AIG1: variants seen among roughly 807,000 people sequenced by gnomAD.
AIG1 encodes androgen-induced gene 1 protein.
Under a neutral mutation model 31.4 loss-of-function variants are expected in AIG1, and 23 were observed. The ratio of observed to expected loss-of-function variants is 0.73; its 90% confidence interval spans 0.53 to 1.04. The LOEUF (loss-of-function observed/expected upper bound fraction) is 1.04, where lower values mean the gene tolerates loss of function less well. AIG1 is among the 50% of genes least tolerant of loss of function. The pLI is 0.00. For missense variants in AIG1, 274 were observed against 295.0 expected, an observed-to-expected ratio of 0.93 and a Z score of 0.52; for synonymous variants, 100 against 110.5, an observed-to-expected ratio of 0.90 and a Z score of 0.60.
At chr6:143,221,110 T>G (rs911402822) in intron 3 of AIG1, among the ~76,000 whole-genome samples, 5 of 152,184 alleles carry the variant, frequency 3.3e-5, no homozygotes, top group Non-Finnish European at 7.3e-5. Context: ...ATGAGTATTA[T>G]TATTGTAGTT....
upstream of AIG1, chr6:143,060,855 C>A (rs567422018): frequency 1.5e-5 from 17 of 1,097,156 alleles, no homozygotes; most frequent in Admixed American, 3.0e-4. Context: ...ACGGCGCCCG[C>A]CCCCGCGCGC....
At chr6:143,282,972 C>T (rs1006790217) in intron 3 of AIG1, among the ~76,000 whole-genome samples, 4 of 152,164 alleles carry the variant, frequency 2.6e-5, no homozygotes, top group African/African-American at 7.2e-5. Flanking sequence ...GATTCTTTCA[C>T]GGCTGTTTAG....
intron 3 of AIG1, among the ~76,000 whole-genome samples, chr6:143,206,925 G>C (rs1488713061): frequency 6.6e-6 from 1 of 152,162 alleles, no homozygotes; most frequent in Non-Finnish European, 1.5e-5. Context: ...TTAGAGTGGA[G>C]ATAAAATAGA....
In AIG1 at chr6:143,061,014, C is replaced by T. The variant is rs1395011858; in HGVS notation, c.89C>T (p.Pro30Leu). ...ILCNYKAIEM[P>L]SHQTYGGSWK... ...TGTAACTACAAGGCCATCGAAATGC[C>T]CTCACACCAGACCTACGGAGGGAGC... Residue 30 changes from proline to leucine, a missense_variant, in exon 1 of 6, where the codon CCC becomes CTC. This residue lies in a region of AIG1 where 243 missense variants were observed against 238.5 expected (regional missense o/e 1.02). Transcript: ENST00000357847. 1 of 1,613,550 alleles carries T rather than the reference C, an allele frequency of 6.2e-7. No individual in the cohort carries two copies. The highest frequency in any genetic ancestry group is 1.7e-5 in the Admixed American group (1 of 60,000).
At chr6:143,062,856 C>T (rs1219067449) in intron 1 of AIG1, among the ~76,000 whole-genome samples, 4 of 152,186 alleles carry the variant, frequency 2.6e-5, no homozygotes, top group African/African-American at 7.2e-5. Context: ...TATCCCATTC[C>T]TAAGTCAGAT....
At chr6:143,174,556 T>G (rs1369763872) in intron 3 of AIG1, among the ~76,000 whole-genome samples, 1 of 152,094 alleles carries the variant, frequency 6.6e-6, no homozygotes, top group Non-Finnish European at 1.5e-5. Context: ...ATGGAATGTC[T>G]TTTCCTACCC....
chr6:143,115,569 A>G (rs1299307277), intron 1 of AIG1, among the ~76,000 whole-genome samples: 1 of 152,218 alleles, frequency 6.6e-6, no homozygotes, highest in Non-Finnish European at 1.5e-5. Flanking sequence ...CTGATACAGG[A>G]TTAAACACCA....
chr6:143,102,876 T>A (rs981066168), intron 1 of AIG1, among the ~76,000 whole-genome samples: 7 of 152,100 alleles, frequency 4.6e-5, no homozygotes, highest in African/African-American at 9.7e-5. Context: ...AAGAAGCAAA[T>A]AAAACTCCAT....
intron 4 of AIG1, among the ~76,000 whole-genome samples, chr6:143,322,672 C>T (rs892509788): frequency 8.5e-5 from 13 of 152,142 alleles, no homozygotes; most frequent in Non-Finnish European, 1.3e-4. Flanking sequence ...TCACTGTAGA[C>T]GTGTGCCAGG....
At chr6:143,190,500 A>G (rs779915881) in intron 3 of AIG1, 3 of 983,392 alleles carry the variant, frequency 3.1e-6, no homozygotes, top group Non-Finnish European at 3.6e-6. Context: ...TTCACTTTTA[A>G]GTTATGTTCA....
At chr6:143,212,890 A>G (rs1791698971) in intron 3 of AIG1, among the ~76,000 whole-genome samples, 1 of 152,214 alleles carries the variant, frequency 6.6e-6, no homozygotes, top group Non-Finnish European at 1.5e-5. Context: ...TAAGACAGCA[A>G]CATAAGATTT....
intron 3 of AIG1, among the ~76,000 whole-genome samples, chr6:143,232,296 G>T (rs1168845255): frequency 6.6e-6 from 1 of 152,154 alleles, no homozygotes; most frequent in African/African-American, 2.4e-5. Context: ...AGAATTAAGG[G>T]TATGGTGGAA....
chr6:143,319,167 C>T (rs946286203), intron 4 of AIG1, among the ~76,000 whole-genome samples: 2 of 152,148 alleles, frequency 1.3e-5, no homozygotes, highest in Admixed American at 1.3e-4. Context: ...GAAAAAGACA[C>T]TTGCACATAC....
chr6:143,260,253 C>T (rs549932489), intron 3 of AIG1, among the ~76,000 whole-genome samples: 89 of 152,100 alleles, frequency 5.9e-4, no homozygotes, highest in Admixed American at 7.2e-4. Flanking sequence ...CCTCGTGATC[C>T]GCCCGCGTCG....
intron 3 of AIG1, among the ~76,000 whole-genome samples, chr6:143,176,695 T>C (rs1186790566): frequency 6.6e-6 from 1 of 152,216 alleles, no homozygotes; most frequent in Non-Finnish European, 1.5e-5. Flanking sequence ...CTGGTCTCGC[T>C]CCCACCTCCC....
At chr6:143,302,566 A>G (rs1042403813) in intron 4 of AIG1, among the ~76,000 whole-genome samples, 2 of 152,156 alleles carry the variant, frequency 1.3e-5, no homozygotes, top group African/African-American at 2.4e-5. Flanking sequence ...ATCATTTTTT[A>G]TGGCTGCATA....
chr6:143,065,130 G>A (rs1776581832), intron 1 of AIG1, among the ~76,000 whole-genome samples: 3 of 152,164 alleles, frequency 2.0e-5, no homozygotes, highest in Admixed American at 6.5e-5. Flanking sequence ...TTGTAATGTT[G>A]GTTAATCAGT....
At chr6:143,202,125 A>G (rs17072293) in intron 3 of AIG1, among the ~76,000 whole-genome samples, 4,493 of 152,262 alleles carry the variant, frequency 0.03, 249 homozygotes, top group African/African-American at 0.1. Context: ...TTGCCGAGAA[A>G]CGACTTCTGG....
chr6:143,218,732 A>G (rs751705945), intron 3 of AIG1, among the ~76,000 whole-genome samples: 4 of 152,160 alleles, frequency 2.6e-5, no homozygotes, highest in African/African-American at 4.8e-5. Context: ...AAAAAGGTAA[A>G]AATGAAGGAC....
Sources: allele counts gnomAD v4.1 joint callset (sites outside exome capture counted in the v4.1 genomes callset), GRCh38; gene constraint gnomAD v4.1.1; regional missense constraint gnomAD v4.1.1; transcripts MANE v1.5; gene names NCBI Gene and HGNC (gene_info 2026-07-23, HGNC 2026-07-21).